Variants in DDX19A observed in about 807,000 individuals in gnomAD.
The protein encoded by DDX19A is ATP-dependent RNA helicase DDX19A.
DDX19A carries 12 observed loss-of-function variants against 60.6 expected under a neutral mutation model. The ratio of observed to expected loss-of-function variants is 0.20; its 90% confidence interval spans 0.13 to 0.32. The LOEUF (loss-of-function observed/expected upper bound fraction) is 0.32. DDX19A is among the 10% of genes least tolerant of loss of function. The probability of loss-of-function intolerance (pLI) is 1.00; values close to 1 mark genes in which losing one functional copy is unlikely to be tolerated. For synonymous variants in DDX19A, 206 were observed against 218.2 expected (o/e 0.94, Z 0.49); for missense variants, 337 against 600.6 (o/e 0.56, Z 4.59).
At chr16:70,364,912 G>A in intron 6 of DDX19A, 105 bp from the exon 7 acceptor site, 1 of 868,318 alleles carries the variant, frequency 1.2e-6, no homozygotes. Flanking sequence ...GGGAGGACAT[G>A]CTTCCCTGTG....
chr16:70,371,602 C>A, intron 11 of DDX19A, 39 bp downstream of exon 11: 1 of 1,070,664 alleles, frequency 9.3e-7, no homozygotes, highest in Non-Finnish European at 1.3e-6. Flanking sequence ...GCGCCCTTTG[C>A]TAAGTAGGGC....
chr16:70,353,825 T>TG (rs1169952971), intron 2 of DDX19A, among the ~76,000 whole-genome samples: 1 of 144,558 alleles, frequency 6.9e-6, no homozygotes, highest in Non-Finnish European at 1.5e-5. Context: ...CACTTGAACC[T>TG]GGGGGGCAAA....
chr16:70,351,680 A>G (rs1029950823), intron 2 of DDX19A, among the ~76,000 whole-genome samples: 5 of 151,154 alleles, frequency 3.3e-5, no homozygotes, highest in Non-Finnish European at 5.9e-5. Context: ...GCCCGCCACC[A>G]TGCCCAGCTA....
chr16:70,364,974 CA>C, intron 6 of DDX19A, 42 bp from the exon 7 acceptor site: 1 of 1,537,546 alleles, frequency 6.5e-7, no homozygotes, highest in Non-Finnish European at 9.0e-7. Context: ...GGTCTGTTAC[CA>C]AATGGCTCTC....
intron 9 of DDX19A, among the ~76,000 whole-genome samples, chr16:70,367,103 G>A (rs1049327889): frequency 6.6e-6 from 1 of 152,098 alleles, no homozygotes; most frequent in Non-Finnish European, 1.5e-5. Context: ...CAACCCAAGA[G>A]AATCAACTCA....
At chr16:70,350,796 A>C (rs1458245524) in intron 2 of DDX19A, among the ~76,000 whole-genome samples, 191 bp downstream of exon 2, 1 of 151,350 alleles carries the variant, frequency 6.6e-6, no homozygotes. Context: ...TAAAATTAAG[A>C]GTCTCTCTAT....
At chr16:70,347,257 TC>T (rs1344666866) in intron 1 of DDX19A, 1 of 587,522 alleles carries the variant, frequency 1.7e-6, no homozygotes, top group Admixed American at 3.0e-5. Flanking sequence ...AAGGACTTCA[TC>T]CTTTGGTAAA....
At chr16:70,347,236 C>G (rs972571681) in intron 1 of DDX19A, 188 bp downstream of exon 1, 1 of 616,424 alleles carries the variant, frequency 1.6e-6, no homozygotes, top group Non-Finnish European at 2.9e-6. Flanking sequence ...TTATCTCCAT[C>G]TGGGCTGGTT....
At chr16:70,360,656 T>G (rs887120026) in intron 4 of DDX19A, 4 of 152,150 alleles carry the variant, frequency 2.6e-5, no homozygotes, top group African/African-American at 9.7e-5. Flanking sequence ...ATCAATTTCC[T>G]TACCTATTGA....
chr16:70,364,789 C>T (rs1567655442), intron 6 of DDX19A, 144 bp downstream of exon 6: 1 of 702,380 alleles, frequency 1.4e-6, no homozygotes, highest in Non-Finnish European at 2.4e-6. Flanking sequence ...AGGCCCTGAC[C>T]TGGGAGAATG....
At chr16:70,364,705 T>G in intron 6 of DDX19A, 60 bp downstream of exon 6, 1 of 1,269,084 alleles carries the variant, frequency 7.9e-7, no homozygotes, top group Non-Finnish European at 1.2e-6. Context: ...CAGTGCCATC[T>G]GGTGAGGAGT....
intron 4 of DDX19A, among the ~76,000 whole-genome samples, chr16:70,359,148 A>G (rs1964301076): frequency 6.6e-6 from 1 of 152,208 alleles, no homozygotes; most frequent in Non-Finnish European, 1.5e-5. Context: ...CACCTAATGT[A>G]CTTGGTCTGC....
At chr16:70,371,288 G>A in intron 10 of DDX19A, 84 bp from the exon 11 acceptor site, 1 of 1,612,534 alleles carries the variant, frequency 6.2e-7, no homozygotes, top group Middle Eastern at 1.7e-4. Flanking sequence ...TCCCAAAGTT[G>A]GTACGCATTG....
At chr16:70,350,233 A>G (rs901789249) in intron 1 of DDX19A, among the ~76,000 whole-genome samples, 1 of 152,218 alleles carries the variant, frequency 6.6e-6, no homozygotes, top group African/African-American at 2.4e-5. Flanking sequence ...AGCCTAGGTG[A>G]CAGAGTGAGA....
intron 2 of DDX19A, among the ~76,000 whole-genome samples, chr16:70,352,512 T>C (rs1340852551): frequency 6.6e-6 from 1 of 152,116 alleles, no homozygotes; most frequent in East Asian, 1.9e-4. Context: ...CTTGAACTCC[T>C]GACCTGATGA....
intron 6 of DDX19A, 184 bp downstream of exon 6, chr16:70,364,829 C>T: frequency 1.5e-6 from 1 of 666,576 alleles, no homozygotes; most frequent in Non-Finnish European, 2.6e-6. Flanking sequence ...TAGACCATGG[C>T]TTGCAAAGGC....
At position 70,372,323 on chromosome 16, in the gene DDX19A, C is replaced by G. The variant is rs888123101; in HGVS notation, c.*337C>G. The stretch of plus-strand genomic sequence containing the variant: ...GGCATCGTGGAACCAGCTCCAGCCC[C>G]TGAAGAAACGATAGATGTGCAGGTT... On this transcript the variant is annotated 3_prime_UTR_variant, in exon 12 of 12. Transcript: ENST00000302243. 2.4e-6 allele frequency: 1 copy of G among 418,278 alleles called. No individual in the cohort carries two copies. Among genetic ancestry groups the G allele is most frequent in the African/African-American group, 2.0e-5 (1 of 49,466 alleles). The allele number at this position is 418,278 out of a possible 1,614,324, so 25.9% of individuals were successfully genotyped here. A position where few individuals can be genotyped will look rare whatever the true frequency, so the allele number is the denominator to read the frequency against.
Position 70,355,468 on chromosome 16 carries a change from A to T in DDX19A, c.107-17A>T, listed in dbSNP as rs749379966. ...CATATTTGCCTTTCTAATTATGACA[A>T]TTGTTTTCTTGTGTAGGTATTATCA... On this transcript the variant is annotated splice_polypyrimidine_tract_variant and intron_variant, in intron 2 of 11. Coordinates refer to ENST00000302243, the MANE Select transcript of DDX19A (RefSeq NM_018332.5). 6.2e-7 allele frequency: 1 copy of T among 1,605,006 alleles called. No homozygotes were observed. Among genetic ancestry groups the T allele is most frequent in the Non-Finnish European group, 8.5e-7 (1 of 1,172,028 alleles).
rs1412999031 is a variant in DDX19A, at chr16:70,364,639, C to T, written c.483C>T (p.Tyr161=). 6 of 1,613,712 alleles carry T rather than the reference C, an allele frequency of 3.7e-6. No individual in the cohort carries two copies. The highest frequency in any genetic ancestry group is 2.2e-5 in the East Asian group (1 of 44,880). The change falls in exon 6 of 12, where the codon TAC becomes TAT. Residue 161 remains tyrosine, a synonymous_variant. Transcript: ENST00000302243. The part of the protein sequence containing the change: ...MLSRVEPSDR[Y]PQCLCLSPTY... ...GCCGAGTGGAGCCATCAGACAGATA[C>T]CCCCAGGTGAGGGCTTGCGGGGCTG... is the stretch of plus-strand genomic sequence containing the variant.
Sources: gnomAD v4.1 joint callset for allele counts (sites outside exome capture counted in the v4.1 genomes callset) on GRCh38, gnomAD v4.1.1 for gene constraint, MANE v1.5 for transcripts, NCBI Gene and HGNC (gene_info 2026-07-23, HGNC 2026-07-21) for gene names.